The following PPARGC1A variants were observed in gnomAD, a reference collection of about 807,000 sequenced individuals.
PPARGC1A encodes PPARG coactivator 1 alpha, also known as peroxisome proliferator-activated receptor gamma coactivator 1-alpha.
A neutral mutation model predicts 88.7 loss-of-function variants in PPARGC1A; 25 were observed. The observed-to-expected ratio is 0.28, with a 90% confidence interval of 0.21 to 0.39. The LOEUF (loss-of-function observed/expected upper bound fraction) is 0.39, where lower values mean the gene tolerates loss of function less well. PPARGC1A is among the 10% of genes least tolerant of loss of function. The pLI, the probability that PPARGC1A is intolerant of heterozygous loss-of-function variation, is 1.00. For synonymous variants in PPARGC1A, 363 were observed against 355.6 expected (o/e 1.02, Z -0.24); for missense variants, 880 against 968.7 (o/e 0.91, Z 1.22).
the PPARGC1A span, among the ~76,000 whole-genome samples, chr4:24,414,703 C>T: frequency 3.0e-4 from 45 of 152,292 alleles, no homozygotes; most frequent in South Asian, 3.7e-3. Context: ...GCAGCTGGTG[C>T]TGAGAAGCAC....
intron 2 of PPARGC1A, among the ~76,000 whole-genome samples, chr4:23,869,331 C>G (rs1712760133): frequency 6.6e-6 from 1 of 152,158 alleles, no homozygotes; most frequent in Non-Finnish European, 1.5e-5. Flanking sequence ...GGGAGCTGGA[C>G]TGCTCACAGT....
chr4:24,097,772 T>C, the PPARGC1A span, among the ~76,000 whole-genome samples: 3 of 152,202 alleles, frequency 2.0e-5, no homozygotes, highest in African/African-American at 7.2e-5. Context: ...GGCTTCCAGT[T>C]CACTGCTGCC....
chr4:24,436,792 T>C, the PPARGC1A span, among the ~76,000 whole-genome samples: 1 of 142,758 alleles, frequency 7.0e-6, no homozygotes. Context: ...GTCACAGAGC[T>C]GACATCGGTT....
the PPARGC1A span, among the ~76,000 whole-genome samples, chr4:24,270,359 G>A: frequency 7.4e-6 from 1 of 135,262 alleles, no homozygotes; most frequent in Non-Finnish European, 1.6e-5. Context: ...GTGTGTGTAT[G>A]TGTGTAAAAT....
chr4:24,196,792 C>G, the PPARGC1A span, among the ~76,000 whole-genome samples: 3 of 152,210 alleles, frequency 2.0e-5, no homozygotes, highest in Non-Finnish European at 4.4e-5. Context: ...ACTTTGGCCT[C>G]TATTCCTATA....
chr4:23,833,458 T>C (rs1267953227), intron 2 of PPARGC1A, among the ~76,000 whole-genome samples: 2 of 152,212 alleles, frequency 1.3e-5, no homozygotes, highest in Non-Finnish European at 2.9e-5. Flanking sequence ...ATGGGCTAAA[T>C]TATCCCACAC....
At chr4:24,184,842 GAAGA>G in the PPARGC1A span, among the ~76,000 whole-genome samples, 3 of 152,170 alleles carry the variant, frequency 2.0e-5, no homozygotes, top group Non-Finnish European at 4.4e-5. Context: ...AAATGATGAG[GAAGA>G]AAGAGAGAGG....
chr4:24,240,434 G>A, the PPARGC1A span, among the ~76,000 whole-genome samples: 1 of 152,194 alleles, frequency 6.6e-6, no homozygotes, highest in Non-Finnish European at 1.5e-5. Flanking sequence ...GGGACTCCCT[G>A]CTTCTACAGC....
chr4:24,341,746 C>T, the PPARGC1A span, among the ~76,000 whole-genome samples: 1 of 152,160 alleles, frequency 6.6e-6, no homozygotes, highest in Non-Finnish European at 1.5e-5. Context: ...TGAGAAAGAG[C>T]TTAACATGTT....
At chr4:23,927,513 G>T in the PPARGC1A span, among the ~76,000 whole-genome samples, 1 of 152,020 alleles carries the variant, frequency 6.6e-6, no homozygotes, top group Non-Finnish European at 1.5e-5. Flanking sequence ...CACCTTTCTT[G>T]AAATCAGTCA....
At chr4:24,269,655 CTTT>C in the PPARGC1A span, among the ~76,000 whole-genome samples, 1 of 77,988 alleles carries the variant, frequency 1.3e-5, no homozygotes, top group Non-Finnish European at 2.8e-5. Flanking sequence ...CATCATCACA[CTTT>C]ATTATCATCA....
the PPARGC1A span, among the ~76,000 whole-genome samples, chr4:24,111,229 C>A: frequency 6.6e-6 from 1 of 152,162 alleles, no homozygotes; most frequent in Non-Finnish European, 1.5e-5. Flanking sequence ...AGCCAGCTTT[C>A]TTTCTTCAGT....
chr4:23,995,435 T>C, the PPARGC1A span, among the ~76,000 whole-genome samples: 1 of 152,206 alleles, frequency 6.6e-6, no homozygotes, highest in African/African-American at 2.4e-5. Context: ...CATTTGATCA[T>C]GTCACAGTCC....
chr4:23,873,477 T>G (rs1714009127), intron 2 of PPARGC1A, among the ~76,000 whole-genome samples: 1 of 152,226 alleles, frequency 6.6e-6, no homozygotes, highest in African/African-American at 2.4e-5. Flanking sequence ...CATCAGTTTC[T>G]ACCATGCCTC....
chr4:24,010,595 A>T, the PPARGC1A span, among the ~76,000 whole-genome samples: 1 of 152,224 alleles, frequency 6.6e-6, no homozygotes, highest in Non-Finnish European at 1.5e-5. Flanking sequence ...GACATGTCAG[A>T]AAGTAGTCAT....
the PPARGC1A span, among the ~76,000 whole-genome samples, chr4:24,415,812 A>C: frequency 2.6e-5 from 4 of 152,324 alleles, no homozygotes; most frequent in African/African-American, 2.4e-5. Flanking sequence ...TAAATCTAAA[A>C]TTATTTATTC....
Position 23,795,942 on chromosome 4 carries a change from G to A in PPARGC1A, c.2294-17C>T. 6.3e-7 allele frequency: 1 copy of A among 1,582,670 alleles called. No homozygotes were observed. Among genetic ancestry groups the A allele is most frequent in the Non-Finnish European group, 8.7e-7 (1 of 1,154,122 alleles). ...AGTTTGAATCTGAAAAAAAACACAA[G>A]CCAGTTTAGATACACACTTTGCTGA... is the stretch of plus-strand genomic sequence containing the variant. On this transcript the variant is annotated splice_polypyrimidine_tract_variant and intron_variant, in intron 12 of 12. Transcript: ENST00000264867.
At chr4:24,210,138 A>C in the PPARGC1A span, among the ~76,000 whole-genome samples, 1 of 152,200 alleles carries the variant, frequency 6.6e-6, no homozygotes, top group South Asian at 2.1e-4. Flanking sequence ...GAGGACTCTG[A>C]ACAAGGTCAA....
At chr4:24,435,887 T>C in the PPARGC1A span, among the ~76,000 whole-genome samples, 2 of 152,172 alleles carry the variant, frequency 1.3e-5, no homozygotes, top group African/African-American at 2.4e-5. Context: ...TTCTGCAATT[T>C]AGTTATGACC....
Sources: allele counts gnomAD v4.1 joint callset (sites outside exome capture counted in the v4.1 genomes callset), GRCh38; gene constraint gnomAD v4.1.1; transcripts MANE v1.5; gene names NCBI Gene and HGNC (gene_info 2026-07-23, HGNC 2026-07-21).